ANKH: variants seen among roughly 807,000 people sequenced by gnomAD.
The protein encoded by ANKH is mineralization regulator ANKH.
Under a neutral mutation model 49.0 loss-of-function variants are expected in ANKH, and 15 were observed. That is an observed-to-expected ratio of 0.31 (90% CI 0.20 to 0.47). The LOEUF is 0.47. Ranked by LOEUF, ANKH falls within the 20% of genes least tolerant of loss-of-function variation. ANKH has a pLI of 1.00. For synonymous variants in ANKH, 273 were observed against 260.0 expected (o/e 1.05, Z -0.48); for missense variants, 429 against 652.0 (o/e 0.66, Z 3.72).
At chr5:14,806,500 T>C (rs543838136) in intron 1 of ANKH, among the ~76,000 whole-genome samples, 8 of 152,176 alleles carry the variant, frequency 5.3e-5, no homozygotes, top group African/African-American at 1.9e-4. Context: ...TGCTATTTTA[T>C]CCCCATTCAC....
rs565940824 is a variant in ANKH, at chr5:14,797,454, T to C, written c.97-28263A>G. 132 of 1,611,260 alleles carry C rather than the reference T, an allele frequency of 8.2e-5. 2 individuals are homozygous for C. The South Asian group carries it at 1.4e-3, about 17-fold the overall frequency. ...CTGAACCTGGAATATTTCATCCTTATGTGACTCAAAGGAATGCAACTTAAG... is the reference window on the plus strand; with the variant it reads ...CTGAACCTGGAATATTTCATCCTTACGTGACTCAAAGGAATGCAACTTAAG... On this transcript the variant is annotated intron_variant, in intron 1 of 11. Coordinates refer to ENST00000284268, the MANE Select transcript of ANKH (RefSeq NM_054027.6).
intron 2 of ANKH, among the ~76,000 whole-genome samples, chr5:14,766,566 T>G (rs1032065300): frequency 2.0e-5 from 3 of 152,194 alleles, no homozygotes; most frequent in Non-Finnish European, 4.4e-5. Context: ...TTTGAAAAAT[T>G]AGAAGAACTT....
At chr5:14,783,289 T>TACACACACACACACACACACACAC (rs57904537) in intron 1 of ANKH, among the ~76,000 whole-genome samples, 1 of 144,530 alleles carries the variant, frequency 6.9e-6, no homozygotes, top group Non-Finnish European at 1.5e-5. Context: ...GCCACCATTC[T>TACACACACACACACACACACACAC]ACACACACAC....
chr5:14,714,000 ATC>A lies in ANKH; in HGVS notation c.1142-335_1142-334del, dbSNP rs1248117325. Reference sequence around the variant, plus strand: ...ACTTGGCCAGCCTCGCCCTCTGATCATCTACCTCTAGAAGAGAACACTCAGAG... The same window carrying A: ...ACTTGGCCAGCCTCGCCCTCTGATCATACCTCTAGAAGAGAACACTCAGAG... On this transcript the variant is annotated intron_variant, in intron 9 of 11. Transcript: ENST00000284268. This position sits in a 1 kb window ranked among gnomAD's most constrained non-coding sequence, Gnocchi z 4.4. Among the ~76,000 whole-genome samples, 1 of 152,218 alleles carries A rather than the reference ATC, an allele frequency of 6.6e-6. No homozygotes were observed. Among genetic ancestry groups the A allele is most frequent in the Non-Finnish European group, 1.5e-5 (1 of 68,034 alleles).
chr5:14,846,649 T>G (rs1056242480), intron 1 of ANKH, among the ~76,000 whole-genome samples: 1 of 152,078 alleles, frequency 6.6e-6, no homozygotes, highest in African/African-American at 2.4e-5. Context: ...CAAAATTAAT[T>G]TAGTAGAGTG....
chr5:14,808,557 G>A (rs954981031), intron 1 of ANKH, among the ~76,000 whole-genome samples: 10 of 152,192 alleles, frequency 6.6e-5, no homozygotes, highest in Non-Finnish European at 1.3e-4. Flanking sequence ...TTGAGCCCAG[G>A]AGTTCAAGAC....
chr5:14,750,927 A>T (rs1202819932), intron 5 of ANKH, 142 bp downstream of exon 5: 7 of 951,768 alleles, frequency 7.4e-6, no homozygotes, highest in Non-Finnish European at 8.2e-6. Context: ...CCCTGCAGAC[A>T]TCTAGCACTT....
In ANKH at chr5:14,871,516, CG is replaced by C; in HGVS notation, c.-70del. On this transcript the variant is annotated 5_prime_UTR_variant, in exon 1 of 12. Coordinates refer to ENST00000284268, the MANE Select transcript of ANKH (RefSeq NM_054027.6). ...GGGGACTCTGCGGGGAGGCGAGGGG[CG>C]ACGGGGCGACGGGGCGAGCGGGGCG... is the stretch of plus-strand genomic sequence containing the variant. 1 of 359,342 alleles carries C rather than the reference CG, an allele frequency of 2.8e-6. No individual in the cohort carries two copies. The allele number at this position is 359,342 out of a possible 1,614,324, so 22.3% of individuals were successfully genotyped here. A position where few individuals can be genotyped will look rare whatever the true frequency, so the allele number is the denominator to read the frequency against.
At chr5:14,837,651 C>T (rs1323795668) in intron 1 of ANKH, among the ~76,000 whole-genome samples, 4 of 152,130 alleles carry the variant, frequency 2.6e-5, no homozygotes, top group African/African-American at 7.2e-5. Flanking sequence ...TGTGGAGAAA[C>T]AGGAACACTT....
intron 1 of ANKH, among the ~76,000 whole-genome samples, chr5:14,773,265 T>C (rs1739505462): frequency 1.3e-5 from 2 of 152,142 alleles, no homozygotes; most frequent in Admixed American, 1.3e-4. Flanking sequence ...GGATGGTATC[T>C]ATTATTTAGC....
At chr5:14,748,717 C>A (rs981376563) in intron 6 of ANKH, among the ~76,000 whole-genome samples, 1 of 152,224 alleles carries the variant, frequency 6.6e-6, no homozygotes, top group Non-Finnish European at 1.5e-5. Flanking sequence ...CGGGTCAACA[C>A]GGAGGCAGCG....
At position 14,710,456 on chromosome 5, in the gene ANKH, C is replaced by T. The variant is rs1385902299; in HGVS notation, c.*741G>A. 1.3e-5 allele frequency: 2 copies of T among 152,600 alleles called. 1 individual carries two copies. The highest frequency in any genetic ancestry group is 1.3e-4 in the Admixed American group (2 of 15,322). 9.5% of individuals were successfully genotyped at this position (152,600 alleles called of 1,614,324 possible). A position where few individuals can be genotyped will look rare whatever the true frequency, so the allele number is the denominator to read the frequency against. Reference sequence around the variant, plus strand: ...TGTATATACACGGTGGGGGTGAGAACTGACAGCTTGCTCAGATCTAGGAGA... The same window carrying T: ...TGTATATACACGGTGGGGGTGAGAATTGACAGCTTGCTCAGATCTAGGAGA... On this transcript the variant is annotated 3_prime_UTR_variant, in exon 12 of 12. Transcript: ENST00000284268.
At position 14,716,731 on chromosome 5, in the gene ANKH, C is replaced by A; in HGVS notation, c.1116G>T (p.Arg372=). 6.2e-7 allele frequency: 1 copy of A among 1,613,982 alleles called. No homozygotes were observed. The highest frequency in any genetic ancestry group is 2.2e-5 in the East Asian group (1 of 44,898). Residue 372 remains arginine, a synonymous_variant, in exon 9 of 12, where the codon CGG becomes CGT. Coordinates refer to ENST00000284268, the MANE Select transcript of ANKH (RefSeq NM_054027.6). The part of the protein sequence containing the change: ...AFAELCVVPL[R]IFSFFPVPVT... ...CTGGAACTGGGAAGAAGGAGAAGAT[C>A]CGCAAAGGAACAACACAGAGTTCTG...
chr5:14,797,376 G>A (rs562391245), intron 1 of ANKH: 32 of 1,610,272 alleles, frequency 2.0e-5, no homozygotes, highest in Middle Eastern at 1.9e-4. Flanking sequence ...CTAGACATTC[G>A]GTCTGTGATC....
At position 14,711,279 on chromosome 5, in the gene ANKH, T is replaced by G; in HGVS notation, c.1397A>C (p.Glu466Ala). Residue 466 changes from glutamate (E) to alanine (A), a missense_variant, in exon 12 of 12, where the codon GAG becomes GCG. By Grantham distance (107) the Glu-to-Ala change is moderately radical. Around this residue, in one of 2 missense-constraint regions of ANKH, gnomAD observed 51 missense variants for 36.7 expected, o/e 1.39. Transcript: ENST00000284268. ...GTCTGTCATGGCAGAGTCTTCCCCC[T>G]CCGTGGCCGACTCATTCTCCATCTT... ...KKKMENESAT[E>A]GEDSAMTDMP... is the part of the protein sequence containing the mutation. 1 of 1,614,060 alleles carries G rather than the reference T, an allele frequency of 6.2e-7. No homozygotes were observed. Among genetic ancestry groups the G allele is most frequent in the Non-Finnish European group, 8.5e-7 (1 of 1,179,998 alleles).
intron 1 of ANKH, among the ~76,000 whole-genome samples, chr5:14,820,829 G>T (rs1741177342): frequency 6.6e-6 from 1 of 152,212 alleles, no homozygotes; most frequent in African/African-American, 2.4e-5. Flanking sequence ...CAGGTGCAGT[G>T]GCTTATGCCT....
At chr5:14,768,882 G>T (rs1739333090) in intron 2 of ANKH, 93 bp downstream of exon 2, 3 of 1,370,474 alleles carry the variant, frequency 2.2e-6, no homozygotes, top group Non-Finnish European at 3.1e-6. Flanking sequence ...AATTAGTGAA[G>T]AAACCACTTA....
rs977035431 is a variant in ANKH at position 14,708,472 on chromosome 5, CT to C, written c.*2724del. On this transcript the variant is annotated 3_prime_UTR_variant, in exon 12 of 12. Transcript: ENST00000284268. The stretch of plus-strand genomic sequence containing the variant: ...AAATAAATGTTTTGGGGGAATGTTT[CT>C]TTGGTCACAAAAGTCAAAAAGTTGC... 2 of 152,158 alleles carry C rather than the reference CT, an allele frequency of 1.3e-5. No homozygotes were observed. Among genetic ancestry groups the C allele is most frequent in the African/African-American group, 4.8e-5 (2 of 41,432 alleles). The allele number at this position is 152,158 out of a possible 1,614,324, so 9.4% of individuals were successfully genotyped here.
intron 1 of ANKH, among the ~76,000 whole-genome samples, chr5:14,803,862 TC>T (rs1740630456): frequency 6.6e-6 from 1 of 152,148 alleles, no homozygotes; most frequent in Non-Finnish European, 1.5e-5. Flanking sequence ...GGTCCTGTGA[TC>T]ACCTTACATA....
Sources: allele counts gnomAD v4.1 joint callset (sites outside exome capture counted in the v4.1 genomes callset), GRCh38; gene constraint gnomAD v4.1.1; regional missense constraint gnomAD v4.1.1; non-coding constraint Gnocchi (gnomAD v3.1); transcripts MANE v1.5; gene names NCBI Gene and HGNC (gene_info 2026-07-23, HGNC 2026-07-21).